PELI2: variants seen among roughly 807,000 people sequenced by gnomAD.
PELI2 encodes the protein E3 ubiquitin-protein ligase pellino homolog 2.
Under a neutral mutation model 42.3 loss-of-function variants are expected in PELI2, and 23 were observed. The ratio of observed to expected loss-of-function variants is 0.54; its 90% CI spans 0.39 to 0.77. PELI2 has a LOEUF of 0.77. PELI2 is among the 30% of genes least tolerant of loss of function. The pLI is 0.00. For synonymous variants in PELI2, 245 were observed against 212.2 expected, an observed-to-expected ratio of 1.15 and a Z score of -1.34; for missense variants, 463 against 553.2, an observed-to-expected ratio of 0.84 and a Z score of 1.64.
rs180675181 is a variant in PELI2, at chr14:56,262,090, C to T, written c.208-17586C>T. Among the ~76,000 whole-genome samples the T allele has an allele frequency of 5.5e-3, 839 of 152,320 alleles. 4 individuals are homozygous for T. The highest frequency in any genetic ancestry group is 8.8e-3 in the Non-Finnish European group (602 of 68,036). On this transcript the variant is annotated intron_variant, in intron 2 of 5. Coordinates refer to ENST00000267460, the MANE Select transcript of PELI2 (RefSeq NM_021255.3). Reference sequence around the variant, plus strand: ...ATTATTTGTTGAATTTATTTACATTCTATCTCTTTCCAAAAGTACTAGAAG... The same window carrying T: ...ATTATTTGTTGAATTTATTTACATTTTATCTCTTTCCAAAAGTACTAGAAG...
intron 2 of PELI2, among the ~76,000 whole-genome samples, chr14:56,212,148 C>G (rs896850390): frequency 6.6e-6 from 1 of 152,066 alleles, no homozygotes; most frequent in Non-Finnish European, 1.5e-5. Context: ...GACAGAGACC[C>G]CGTTTTCTTA....
chr14:56,225,400 A>C lies in PELI2; in HGVS notation c.207+46936A>C, dbSNP rs117208465. Among the ~76,000 whole-genome samples the C allele has an allele frequency of 6.0e-3, 910 of 152,264 alleles. 7 individuals are homozygous for C. Among genetic ancestry groups the C allele is most frequent in the Admixed American group, 9.2e-3 (141 of 15,302 alleles). The stretch of plus-strand genomic sequence containing the variant: ...ACTACCAGGAGTGATGCGACCACAA[A>C]GCTGTCAGATGTGGAGGATGAGGAG... On this transcript the variant is annotated intron_variant, in intron 2 of 5. Transcript: ENST00000267460.
intron 2 of PELI2, among the ~76,000 whole-genome samples, chr14:56,214,710 C>G (rs752341377): frequency 1.9e-4 from 29 of 152,202 alleles, no homozygotes; most frequent in Non-Finnish European, 3.8e-4. Context: ...GGGTGGAATA[C>G]TGTATAGGTG....
chr14:56,206,149 T>G (rs4901653), intron 2 of PELI2, among the ~76,000 whole-genome samples: 62,424 of 152,008 alleles, frequency 0.41, 13,366 homozygotes, highest in South Asian at 0.53. Flanking sequence ...GTGACCTAAT[T>G]AGAACAAATG....
At chr14:56,134,602 A>T (rs1185589298) in intron 1 of PELI2, among the ~76,000 whole-genome samples, 1 of 152,172 alleles carries the variant, frequency 6.6e-6, no homozygotes, top group Non-Finnish European at 1.5e-5. Flanking sequence ...CCCTACAAAA[A>T]TACTTGCTAT....
At chr14:56,153,417 A>G (rs1179497755) in intron 1 of PELI2, among the ~76,000 whole-genome samples, 2 of 152,196 alleles carry the variant, frequency 1.3e-5, no homozygotes, top group African/African-American at 4.8e-5. Flanking sequence ...GAAAGTAGCA[A>G]GAAGATGGTC....
chr14:56,206,431 T>A (rs1307799927), intron 2 of PELI2, among the ~76,000 whole-genome samples: 1 of 152,260 alleles, frequency 6.6e-6, no homozygotes, highest in Non-Finnish European at 1.5e-5. Flanking sequence ...GTAAACGTTT[T>A]AAGAGGTTCT....
Position 56,227,430 on chromosome 14 carries a change from TG to T in PELI2, c.207+48968del, listed in dbSNP as rs1483076557. Among the ~76,000 whole-genome samples the T allele has an allele frequency of 2.0e-5, 3 of 151,258 alleles. 1 individual carries two copies. The highest frequency in any genetic ancestry group is 2.0e-4 in the Admixed American group (3 of 15,256). On this transcript the variant is annotated intron_variant, in intron 2 of 5. Transcript: ENST00000267460. ...AATACCTAAGTATATCTGGGATAAC[TG>T]GAGCCAGATTTCTCACTTCAGAGAA...
chr14:56,159,877 T>A (rs1884695086), intron 1 of PELI2, among the ~76,000 whole-genome samples: 1 of 152,118 alleles, frequency 6.6e-6, no homozygotes, highest in Non-Finnish European at 1.5e-5. Context: ...AGAAGTCAGA[T>A]TCAGAACAAT....
chr14:56,199,210 C>G, intron 2 of PELI2, among the ~76,000 whole-genome samples: 1 of 152,228 alleles, frequency 6.6e-6, no homozygotes, highest in East Asian at 1.9e-4. Flanking sequence ...CCATGAGAGT[C>G]ATCATGTGAT....
At chr14:56,242,855 A>G (rs912233077) in intron 2 of PELI2, among the ~76,000 whole-genome samples, 2 of 152,068 alleles carry the variant, frequency 1.3e-5, no homozygotes, top group Admixed American at 1.3e-4. Context: ...TTCAGGGGGG[A>G]AGAGAGAAAG....
At chr14:56,139,016 A>T (rs923433818) in intron 1 of PELI2, among the ~76,000 whole-genome samples, 3 of 152,216 alleles carry the variant, frequency 2.0e-5, no homozygotes, top group African/African-American at 7.2e-5. Context: ...CCAGCCTGAC[A>T]GGGTACTGGA....
rs759586730 is a variant in PELI2, at chr14:56,297,167, C to T, written c.*1C>T. The stretch of plus-strand genomic sequence containing the variant: ...AATTTTCCAAGGTCCAATTGACTGA[C>T]GCCCTTGACAGCCATCTACGACTTT... On this transcript the variant is annotated 3_prime_UTR_variant, in exon 6 of 6. Transcript: ENST00000267460. 1.8e-5 allele frequency: 28 copies of T among 1,589,752 alleles called. No homozygotes were observed. The highest frequency in any genetic ancestry group is 3.4e-5 in the Admixed American group (2 of 59,474).
intron 2 of PELI2, among the ~76,000 whole-genome samples, chr14:56,218,872 G>A (rs558549107): frequency 6.6e-6 from 1 of 152,302 alleles, no homozygotes; most frequent in Non-Finnish European, 1.5e-5. Context: ...AGAAAATTTT[G>A]TCAACATTAA....
rs1048752665 is a variant in PELI2, at chr14:56,300,927, A to G, written c.*3761A>G. 6 of 152,244 alleles carry G rather than the reference A, an allele frequency of 3.9e-5. No homozygotes were observed. The highest frequency in any genetic ancestry group is 2.6e-4 in the Admixed American group (4 of 15,284). The allele number at this position is 152,244 out of a possible 1,614,324, so 9.4% of individuals were successfully genotyped here. A position where few individuals can be genotyped will look rare whatever the true frequency, so the allele number is the denominator to read the frequency against. On this transcript the variant is annotated 3_prime_UTR_variant, in exon 6 of 6. Transcript: ENST00000267460. ...AAAGGTTCAGTATTTTCTTTTTAGT[A>G]TAACTTACATCCTTTCAAATAAGTC...
At chr14:56,284,522 G>T (rs1378865495) in intron 3 of PELI2, among the ~76,000 whole-genome samples, 1 of 152,082 alleles carries the variant, frequency 6.6e-6, no homozygotes. Context: ...AGGCCTAACA[G>T]TTTTGGGTTT....
intron 1 of PELI2, among the ~76,000 whole-genome samples, chr14:56,133,815 C>T (rs115171192): frequency 3.1e-4 from 47 of 152,248 alleles, no homozygotes; most frequent in African/African-American, 9.1e-4. Context: ...TCAAGCACCA[C>T]GACAGGGCAG....
chr14:56,166,180 A>G (rs774880416), intron 1 of PELI2, among the ~76,000 whole-genome samples: 4 of 152,174 alleles, frequency 2.6e-5, no homozygotes, highest in South Asian at 2.1e-4. Context: ...TGCAAATACT[A>G]TCTTATAACC....
Position 56,298,753 on chromosome 14 carries a change from G to T in PELI2, c.*1587G>T, listed in dbSNP as rs1594726482. The T allele has an allele frequency of 6.6e-6, 1 of 152,590 alleles. No homozygotes were observed. Among genetic ancestry groups the T allele is most frequent in the East Asian group, 1.9e-4 (1 of 5,190 alleles). The allele number at this position is 152,590 out of a possible 1,614,324, so 9.5% of individuals were successfully genotyped here. ...CTTGATTGCTGCTGCTTAATTTGAT[G>T]TAATATGTTTAAAGTTCAGCCTCTC... On this transcript the variant is annotated 3_prime_UTR_variant, in exon 6 of 6. Coordinates refer to ENST00000267460, the MANE Select transcript of PELI2 (RefSeq NM_021255.3).
Sources: allele counts gnomAD v4.1 joint callset (sites outside exome capture counted in the v4.1 genomes callset), GRCh38; gene constraint gnomAD v4.1.1; transcripts MANE v1.5; gene names NCBI Gene and HGNC (gene_info 2026-07-23, HGNC 2026-07-21).